SETD5: variants seen among roughly 807,000 people sequenced by gnomAD.
SETD5 encodes the protein histone-lysine N-methyltransferase SETD5.
Under a neutral mutation model 153.3 loss-of-function variants are expected in SETD5, and 44 were observed. That is an observed-to-expected ratio of 0.29 (90% confidence interval 0.23 to 0.37). SETD5 has a LOEUF of 0.37. SETD5 is among the 10% of genes least tolerant of loss of function. The probability of loss-of-function intolerance (pLI) is 1.00; values close to 1 mark genes in which losing one functional copy is unlikely to be tolerated. For synonymous variants in SETD5, 716 were observed against 645.2 expected (o/e 1.11, Z -1.66); for missense variants, 1,544 against 1,768.0 (o/e 0.87, Z 2.27).
chr3:9,449,928 T>C (rs2042428423), intron 16 of SETD5, among the ~76,000 whole-genome samples: 2 of 152,228 alleles, frequency 1.3e-5, no homozygotes. Context: ...TCGTACAATC[T>C]CCTATTTTGG....
At chr3:9,400,604 A>G (rs1230077956) in intron 1 of SETD5, among the ~76,000 whole-genome samples, 2 of 152,224 alleles carry the variant, frequency 1.3e-5, no homozygotes, top group Non-Finnish European at 2.9e-5. Flanking sequence ...TTTAATTTGT[A>G]TATTAGTAAT....
In SETD5 at chr3:9,473,417, C is replaced by T; in HGVS notation, c.3377C>T (p.Pro1126Leu). Residue 1126 changes from proline to leucine, a missense_variant, in exon 20 of 23, where the codon CCT becomes CTT. Pro to Leu is a moderately conservative substitution (Grantham distance 98). Around this residue, in one of 9 missense-constraint regions of SETD5, gnomAD observed 93 missense variants for 93.4 expected, o/e 1.00. Coordinates refer to ENST00000402198, the MANE Select transcript of SETD5 (RefSeq NM_001080517.3). ...TCCTCAGCCCGAACTCCATCTTCCC[C>T]TCACAAAAAATTCTCCCCATCTCAT... ...QGSSARTPSS[P>L]HKKFSPSHSS... 6.2e-7 allele frequency: 1 copy of T among 1,613,946 alleles called. No homozygotes were observed. Among genetic ancestry groups the T allele is most frequent in the Non-Finnish European group, 8.5e-7 (1 of 1,179,882 alleles).
intron 3 of SETD5, chr3:9,429,414 C>T (rs1264273119): frequency 5.9e-6 from 1 of 168,524 alleles, no homozygotes; most frequent in Non-Finnish European, 1.3e-5. Flanking sequence ...TCCCATTGTT[C>T]TAGAGTAAAG....
chr3:9,413,649 G>GGGGTGT (rs200761097), intron 1 of SETD5, among the ~76,000 whole-genome samples: 140 of 140,456 alleles, frequency 1.0e-3, no homozygotes, highest in African/African-American at 3.6e-3. Context: ...GGGGAGGCGG[G>GGGGTGT]GTGTGTGTGT....
Position 9,445,128 on chromosome 3 carries a change from T to A in SETD5, c.1268T>A (p.Leu423Gln). 6.2e-7 allele frequency: 1 copy of A among 1,613,968 alleles called. No individual in the cohort carries two copies. Among genetic ancestry groups the A allele is most frequent in the Non-Finnish European group, 8.5e-7 (1 of 1,179,870 alleles). The part of the protein sequence containing the change: ...IQKRNPNATE[L>Q]PLLPPPPSLP... ...AAAAGGAATCCTAATGCTACAGAACTGCCACTCCTACCACCTCCTCCAAGC... is the reference window on the plus strand; with the variant it reads ...AAAAGGAATCCTAATGCTACAGAACAGCCACTCCTACCACCTCCTCCAAGC... Residue 423 changes from leucine to glutamine, a missense_variant, in exon 12 of 23, where the codon CTG becomes CAG. Coordinates refer to ENST00000402198, the MANE Select transcript of SETD5 (RefSeq NM_001080517.3).
intron 1 of SETD5, among the ~76,000 whole-genome samples, chr3:9,414,011 C>T (rs1005450673): frequency 6.6e-6 from 1 of 152,084 alleles, no homozygotes; most frequent in African/African-American, 2.4e-5. Flanking sequence ...CTCTTGACCT[C>T]GTGATCTGCC....
rs1208257454 is a variant in SETD5, at chr3:9,434,803, A to T, written c.330-21A>T. 1 of 1,608,262 alleles carries T rather than the reference A, an allele frequency of 6.2e-7. No homozygotes were observed. Among genetic ancestry groups the T allele is most frequent in the Admixed American group, 1.7e-5 (1 of 59,134 alleles). On this transcript the variant is annotated intron_variant, in intron 5 of 22. Transcript: ENST00000402198. This position sits in a 1 kb window ranked among gnomAD's most constrained non-coding sequence, Gnocchi z 5.6. ...TGCATGCTGTTGGAAGGACTACTTT[A>T]AGTTTATTTTCCCTCTTTAGGGGAA...
At chr3:9,463,644 T>C (rs765076287) in intron 17 of SETD5, among the ~76,000 whole-genome samples, 57 of 152,146 alleles carry the variant, frequency 3.7e-4, no homozygotes, top group Admixed American at 7.2e-4. Context: ...TCATGCTTTT[T>C]AGGTAGAAAA....
chr3:9,474,825 A>T, intron 21 of SETD5: 1 of 631,178 alleles, frequency 1.6e-6, no homozygotes, highest in Non-Finnish European at 2.7e-6. Flanking sequence ...ATCTCTCCAA[A>T]GTCCTGGAAA....
chr3:9,451,320 A>G (rs1259408445), intron 16 of SETD5, among the ~76,000 whole-genome samples: 1 of 152,212 alleles, frequency 6.6e-6, no homozygotes, highest in African/African-American at 2.4e-5. Flanking sequence ...CACATACATT[A>G]TCTCACTTAC....
chr3:9,415,003 A>G (rs763176516), intron 1 of SETD5, among the ~76,000 whole-genome samples: 1 of 152,164 alleles, frequency 6.6e-6, no homozygotes. Flanking sequence ...GTTTTGCTTC[A>G]CTCTGTTTAG....
intron 17 of SETD5, among the ~76,000 whole-genome samples, chr3:9,463,354 T>C (rs2044203319): frequency 6.6e-6 from 1 of 152,218 alleles, no homozygotes; most frequent in Admixed American, 6.5e-5. Flanking sequence ...TTAAGCCTCT[T>C]GAAAATAGAA....
At chr3:9,435,167 C>T (rs1045723605) in intron 6 of SETD5, among the ~76,000 whole-genome samples, 5 of 149,666 alleles carry the variant, frequency 3.3e-5, no homozygotes, top group Non-Finnish European at 5.9e-5. Context: ...CGCTTGAACC[C>T]GGGAGGCGGA....
chr3:9,458,191 A>G (rs1368793071), intron 17 of SETD5, among the ~76,000 whole-genome samples: 1 of 152,184 alleles, frequency 6.6e-6, no homozygotes, highest in Non-Finnish European at 1.5e-5. Flanking sequence ...TGGGAGGCTG[A>G]GGTAGGAGGA....
At chr3:9,435,026 C>T in intron 6 of SETD5, 144 bp downstream of exon 6, 1 of 871,760 alleles carries the variant, frequency 1.1e-6, no homozygotes, top group Non-Finnish European at 1.7e-6. Flanking sequence ...GGGCGGATCA[C>T]CTGAGGTCGG....
At chr3:9,431,357 A>G (rs1453644422) in intron 3 of SETD5, 1 of 985,284 alleles carries the variant, frequency 1.0e-6, no homozygotes, top group Non-Finnish European at 1.2e-6. Flanking sequence ...TATGTGTCCA[A>G]TTCAGTGATA....
chr3:9,439,140 T>C (rs922110038), intron 7 of SETD5, among the ~76,000 whole-genome samples: 2 of 152,208 alleles, frequency 1.3e-5, no homozygotes, highest in African/African-American at 4.8e-5. Context: ...TAAGCTCCAT[T>C]AAGCCTAAGG....
At chr3:9,414,923 A>T (rs533591337) in intron 1 of SETD5, among the ~76,000 whole-genome samples, 2 of 152,172 alleles carry the variant, frequency 1.3e-5, no homozygotes, top group Non-Finnish European at 2.9e-5. Context: ...CTCAGGAAAA[A>T]ATAAGTTTAT....
chr3:9,467,199 C>CAAAAAAAAA (rs35894304), intron 18 of SETD5, among the ~76,000 whole-genome samples: 13 of 40,870 alleles, frequency 3.2e-4, no homozygotes, highest in African/African-American at 6.4e-4. Context: ...GACTCTCTCT[C>CAAAAAAAAA]AAAAAAAAAA....
Sources: allele counts gnomAD v4.1 joint callset (sites outside exome capture counted in the v4.1 genomes callset), GRCh38; gene constraint gnomAD v4.1.1; regional missense constraint gnomAD v4.1.1; non-coding constraint Gnocchi (gnomAD v3.1); transcripts MANE v1.5; gene names NCBI Gene and HGNC (gene_info 2026-07-23, HGNC 2026-07-21).